Variants in CCDC170 observed in about 807,000 individuals in gnomAD.
CCDC170 encodes the protein coiled-coil domain containing 170.
CCDC170 carries 69 observed loss-of-function variants against 72.6 expected under a neutral mutation model. The observed-to-expected ratio is 0.95, with a 90% confidence interval of 0.78 to 1.16. The LOEUF (loss-of-function observed/expected upper bound fraction) is 1.16, where lower values mean the gene tolerates loss of function less well. CCDC170 is among the 50% of genes most tolerant of loss of function. The pLI, the probability that CCDC170 is intolerant of heterozygous loss-of-function variation, is 0.00. For missense variants in CCDC170, 852 were observed against 832.5 expected (o/e 1.02, Z -0.29); for synonymous variants, 300 against 303.9 (o/e 0.99, Z 0.13).
intron 3 of CCDC170, among the ~76,000 whole-genome samples, chr6:151,540,631 T>C: frequency 6.6e-6 from 1 of 151,752 alleles, no homozygotes; most frequent in African/African-American, 2.4e-5. Context: ...AAGTGATCTG[T>C]CTGCCTCAGC....
chr6:151,564,670 G>A (rs1029577522), intron 5 of CCDC170, among the ~76,000 whole-genome samples: 1 of 152,218 alleles, frequency 6.6e-6, no homozygotes, highest in Admixed American at 6.5e-5. Context: ...CATCTGTGGT[G>A]GTAGCAACAG....
At chr6:151,521,787 T>C (rs556312358) in intron 1 of CCDC170, among the ~76,000 whole-genome samples, 1 of 152,004 alleles carries the variant, frequency 6.6e-6, no homozygotes, top group East Asian at 1.9e-4. Flanking sequence ...ATAGCGACCA[T>C]CCTGGCCAAC....
At chr6:151,565,478 C>A (rs1209346666) in intron 5 of CCDC170, among the ~76,000 whole-genome samples, 1 of 152,210 alleles carries the variant, frequency 6.6e-6, no homozygotes, top group Non-Finnish European at 1.5e-5. Context: ...GTGCTCCCAG[C>A]CAGTCCTGGC....
At chr6:151,550,641 G>A (rs1025790927) in intron 5 of CCDC170, among the ~76,000 whole-genome samples, 8 of 152,128 alleles carry the variant, frequency 5.3e-5, no homozygotes, top group Admixed American at 1.3e-4. Context: ...CATAGACTGG[G>A]TGGTTTAAAC....
rs1777046988 is a variant in CCDC170, at chr6:151,620,666, A to G, written c.*2519A>G. ...AGTTATGGGTGGATGTGGGTGTATG[A>G]GAGTGGAGATTGTTTTTGTACATTC... is the stretch of plus-strand genomic sequence containing the variant. On this transcript the variant is annotated 3_prime_UTR_variant, in exon 11 of 11. Coordinates refer to ENST00000239374, the MANE Select transcript of CCDC170 (RefSeq NM_025059.4). 6.6e-6 allele frequency: 1 copy of G among 152,128 alleles called. No homozygotes were observed. Among genetic ancestry groups the G allele is most frequent in the Non-Finnish European group, 1.5e-5 (1 of 68,012 alleles). The allele number at this position is 152,128 out of a possible 1,614,324, so 9.4% of individuals were successfully genotyped here. A position where few individuals can be genotyped will look rare whatever the true frequency, so the allele number is the denominator to read the frequency against.
intron 5 of CCDC170, among the ~76,000 whole-genome samples, chr6:151,551,058 A>G (rs949190409): frequency 2.6e-5 from 4 of 152,130 alleles, no homozygotes; most frequent in African/African-American, 9.7e-5. Flanking sequence ...TTTCACCAAC[A>G]TTGTCTTTTA....
At chr6:151,514,396 G>GAAGC (rs1482452522) in intron 1 of CCDC170, among the ~76,000 whole-genome samples, 3 of 149,808 alleles carry the variant, frequency 2.0e-5, no homozygotes, top group Admixed American at 6.7e-5. Context: ...AGGAAGGAAG[G>GAAGC]AAGGGAGGGA....
chr6:151,558,347 T>A (rs1783022614), intron 5 of CCDC170, among the ~76,000 whole-genome samples: 1 of 151,676 alleles, frequency 6.6e-6, no homozygotes, highest in African/African-American at 2.4e-5. Flanking sequence ...ATTCAGCAGG[T>A]TGTTTCTTCA....
chr6:151,501,119 C>T (rs1010770631), intron 1 of CCDC170, among the ~76,000 whole-genome samples: 1 of 152,004 alleles, frequency 6.6e-6, no homozygotes, highest in African/African-American at 2.4e-5. Flanking sequence ...TTAAATGTTT[C>T]CCCTTGTTTT....
At chr6:151,608,249 T>A (rs1776815690) in intron 9 of CCDC170, among the ~76,000 whole-genome samples, 2 of 152,220 alleles carry the variant, frequency 1.3e-5, no homozygotes, top group South Asian at 2.1e-4. Context: ...TTGAATTATC[T>A]CTTTTATTTC....
At chr6:151,521,444 C>G (rs1406471561) in intron 1 of CCDC170, among the ~76,000 whole-genome samples, 1 of 152,118 alleles carries the variant, frequency 6.6e-6, no homozygotes, top group Non-Finnish European at 1.5e-5. Flanking sequence ...TGTCTCATTG[C>G]AAGTATCAGA....
intron 3 of CCDC170, 135 bp downstream of exon 3, chr6:151,538,436 C>T: frequency 1.1e-6 from 1 of 872,732 alleles, no homozygotes; most frequent in East Asian, 2.5e-5. Flanking sequence ...AAGTTATTGA[C>T]CTCAAATATC....
chr6:151,597,180 A>G (rs1776639647), intron 9 of CCDC170, among the ~76,000 whole-genome samples: 1 of 151,740 alleles, frequency 6.6e-6, no homozygotes, highest in East Asian at 2.0e-4. Flanking sequence ...GCTAGAGTGC[A>G]GTGGCATGAT....
chr6:151,593,305 T>C (rs1776572715), intron 8 of CCDC170, 25 bp downstream of exon 8: 1 of 1,597,490 alleles, frequency 6.3e-7, no homozygotes. Flanking sequence ...AACTTGCTAG[T>C]ATTGAGAGAA....
At chr6:151,604,154 C>G (rs769093484) in intron 9 of CCDC170, among the ~76,000 whole-genome samples, 8 of 152,212 alleles carry the variant, frequency 5.3e-5, no homozygotes, top group South Asian at 2.1e-4. Context: ...GTGAAGTTCT[C>G]TCCCACTTTC....
At position 151,544,698 on chromosome 6, in the gene CCDC170, T is replaced by G. The variant is rs1215129998; in HGVS notation, c.570T>G (p.Asp190Glu). 2 of 1,611,806 alleles carry G rather than the reference T, an allele frequency of 1.2e-6. No individual in the cohort carries two copies. The highest frequency in any genetic ancestry group is 8.5e-7 in the Non-Finnish European group (1 of 1,178,260). The change falls in exon 4 of 11, where the codon GAT becomes GAG. Residue 190 changes from aspartate to glutamate, a missense_variant. Transcript: ENST00000239374. Reference sequence around the variant, plus strand: ...ATGAGAGGAATGACAAGGCATCAGATGAAGATTTAATTTTAAAGGTGTCTG... The same window carrying G: ...ATGAGAGGAATGACAAGGCATCAGAGGAAGATTTAATTTTAAAGGTGTCTG... ...DPDERNDKAS[D>E]EDLILKLRDL...
chr6:151,571,986 GC>G (rs1215740705), intron 5 of CCDC170, among the ~76,000 whole-genome samples: 3 of 152,072 alleles, frequency 2.0e-5, no homozygotes, highest in Non-Finnish European at 4.4e-5. Context: ...CTCCCAAGTA[GC>G]TGGGACCATA....
chr6:151,574,909 C>T (rs972169005), intron 6 of CCDC170, among the ~76,000 whole-genome samples: 4 of 152,184 alleles, frequency 2.6e-5, no homozygotes, highest in African/African-American at 7.2e-5. Context: ...CTCCTTCTTC[C>T]TCCTTCTCTC....
chr6:151,516,128 G>A (rs1366092182), intron 1 of CCDC170, among the ~76,000 whole-genome samples: 1 of 152,010 alleles, frequency 6.6e-6, no homozygotes, highest in Non-Finnish European at 1.5e-5. Context: ...TTCTTTCAGG[G>A]CTGTTATCTG....
Sources: allele counts gnomAD v4.1 joint callset (sites outside exome capture counted in the v4.1 genomes callset), GRCh38; gene constraint gnomAD v4.1.1; transcripts MANE v1.5; gene names NCBI Gene and HGNC (gene_info 2026-07-23, HGNC 2026-07-21).